Variants in TLK2 observed in about 807,000 individuals in gnomAD.
TLK2 encodes serine/threonine-protein kinase tousled-like 2.
In TLK2, 6 loss-of-function variants were observed where a neutral mutation model predicts 117.3. The observed-to-expected ratio is 0.05, with a 90% CI of 0.03 to 0.10. TLK2 has a LOEUF of 0.10. Ranked by LOEUF, TLK2 falls within the 10% of genes least tolerant of loss-of-function variation. TLK2 has a pLI of 1.00. For missense variants in TLK2, 299 were observed against 901.2 expected (o/e 0.33, Z 8.56); for synonymous variants, 257 against 316.7 (o/e 0.81, Z 2.00).
chr17:62,548,628 A>G (rs1207095558), intron 7 of TLK2, among the ~76,000 whole-genome samples: 1 of 151,980 alleles, frequency 6.6e-6, no homozygotes, highest in Non-Finnish European at 1.5e-5. Context: ...ACTTTCTAAC[A>G]CCCTCAGTTT....
chr17:62,475,971 CTTTT>C (rs894171628), upstream of TLK2, among the ~76,000 whole-genome samples: 2 of 148,640 alleles, frequency 1.3e-5, no homozygotes, highest in African/African-American at 5.0e-5. Context: ...TAAATAATTA[CTTTT>C]ATTTTATTAT....
At chr17:62,471,888 CTT>C (rs869092720) in intron 1 of TLK2, among the ~76,000 whole-genome samples, 71 of 37,758 alleles carry the variant, frequency 1.9e-3, no homozygotes, top group African/African-American at 7.1e-3. Flanking sequence ...GTAGTATAGT[CTT>C]TTTTTTTTTT....
chr17:62,478,014 C>T (rs113301871), upstream of TLK2: 50,140 of 152,080 alleles, frequency 0.33, 8,503 homozygotes, highest in Admixed American at 0.4. Context: ...GGCAGCATCC[C>T]CGCGGGGGCG....
At chr17:62,530,732 C>G (rs2076687477) in intron 6 of TLK2, among the ~76,000 whole-genome samples, 1 of 152,184 alleles carries the variant, frequency 6.6e-6, no homozygotes, top group Non-Finnish European at 1.5e-5. Context: ...ACACCTTCCA[C>G]CTGGGGTTGC....
chr17:62,592,957 A>G (rs1226797565), intron 16 of TLK2, among the ~76,000 whole-genome samples: 1 of 152,166 alleles, frequency 6.6e-6, no homozygotes, highest in Non-Finnish European at 1.5e-5. Context: ...TTGCACTCCT[A>G]TGAGAATCTG....
intron 2 of TLK2, among the ~76,000 whole-genome samples, chr17:62,509,053 G>T (rs2074945322): frequency 6.6e-6 from 1 of 152,128 alleles, no homozygotes; most frequent in Admixed American, 6.6e-5. Flanking sequence ...TCCTCTCTAG[G>T]TGTTGGTGAT....
rs2083937767 is a variant in TLK2 at position 62,613,637 on chromosome 17, C to T, written c.*1072C>T. 1 of 152,166 alleles carries T rather than the reference C, an allele frequency of 6.6e-6. No homozygotes were observed. Among genetic ancestry groups the T allele is most frequent in the East Asian group, 1.9e-4 (1 of 5,192 alleles). The allele number at this position is 152,166 out of a possible 1,614,324, so 9.4% of individuals were successfully genotyped here. On this transcript the variant is annotated 3_prime_UTR_variant, in exon 22 of 22. Transcript: ENST00000346027. ...CTAAATGGTGTACATTTCTTGTTAA[C>T]CACGTTATTAAAACTTGATCAGCAC...
intron 6 of TLK2, among the ~76,000 whole-genome samples, chr17:62,527,200 G>A (rs193211374): frequency 6.6e-6 from 1 of 152,170 alleles, no homozygotes; most frequent in African/African-American, 2.4e-5. Flanking sequence ...TTAGCTAAGC[G>A]GTCTCCCTTA....
At chr17:62,502,441 T>TAGATTA (rs2074282701) in intron 2 of TLK2, among the ~76,000 whole-genome samples, 1 of 152,214 alleles carries the variant, frequency 6.6e-6, no homozygotes, top group Non-Finnish European at 1.5e-5. Context: ...AACATCATAC[T>TAGATTA]TATGGTAAAA....
chr17:62,610,148 G>C (rs908725100), intron 21 of TLK2, among the ~76,000 whole-genome samples: 16 of 152,204 alleles, frequency 1.1e-4, no homozygotes, highest in Admixed American at 7.9e-4. Context: ...AAATTTTCAT[G>C]TTTATTCAAT....
Position 62,606,116 on chromosome 17 carries a change from CT to C in TLK2, c.1860-8del. 8.1e-7 allele frequency: 1 copy of C among 1,238,358 alleles called. No individual in the cohort carries two copies. The highest frequency in any genetic ancestry group is 1.1e-6 in the Non-Finnish European group (1 of 899,220). The allele number at this position is 1,238,358 out of a possible 1,614,324, so 76.7% of individuals were successfully genotyped here. A position where few individuals can be genotyped will look rare whatever the true frequency, so the allele number is the denominator to read the frequency against. On this transcript the variant is annotated splice_polypyrimidine_tract_variant and intron_variant, in intron 19 of 21. Coordinates refer to ENST00000346027, the MANE Select transcript of TLK2 (RefSeq NM_006852.6). ...ATCATTATTCTAATAATTTATATTT[CT>C]TTTTTGTCCCAGGTATTTACCACCA...
At position 62,599,606 on chromosome 17, in the gene TLK2, C is replaced by T. The variant is rs111786370; in HGVS notation, c.1551-1045C>T. Among the ~76,000 whole-genome samples, 531 of 152,280 alleles carry T rather than the reference C, an allele frequency of 3.5e-3. 2 individuals carry two copies. The highest frequency in any genetic ancestry group is 0.012 in the African/African-American group (498 of 41,564). ...ACCCTGGGTTCTGGTTTCACCATCT[C>T]CTCCCTTCTGGCCTGCTTGCCTGAG... On this transcript the variant is annotated intron_variant, in intron 17 of 21. Coordinates refer to ENST00000346027, the MANE Select transcript of TLK2 (RefSeq NM_006852.6).
intron 2 of TLK2, among the ~76,000 whole-genome samples, chr17:62,484,073 C>T (rs563400689): frequency 2.0e-5 from 3 of 152,168 alleles, no homozygotes; most frequent in East Asian, 1.9e-4. Context: ...GTGCCTGCCT[C>T]GGCCTCCCAA....
intron 2 of TLK2, among the ~76,000 whole-genome samples, chr17:62,481,930 T>G (rs1243907539): frequency 6.6e-6 from 1 of 152,158 alleles, no homozygotes; most frequent in Non-Finnish European, 1.5e-5. Flanking sequence ...GCTTGAGATG[T>G]GTGAACGTAT....
rs778940700 is a variant in TLK2 at position 62,602,196 on chromosome 17, C to G, written c.1859+16C>G. 1.2e-6 allele frequency: 2 copies of G among 1,611,282 alleles called. No homozygotes were observed. The highest frequency in any genetic ancestry group is 1.7e-6 in the Non-Finnish European group (2 of 1,178,788). On this transcript the variant is annotated intron_variant, in intron 19 of 21. Coordinates refer to ENST00000346027, the MANE Select transcript of TLK2 (RefSeq NM_006852.6). ...GTACTTATTGGTAGGTATCCAGGAG[C>G]TCTGCCAGGTTGGCTATAGAGATGT...
chr17:62,552,412 G>A lies in TLK2; in HGVS notation c.627+15G>A, dbSNP rs770451777. 5.0e-6 allele frequency: 8 copies of A among 1,613,908 alleles called. No individual in the cohort carries two copies. Among genetic ancestry groups the A allele is most frequent in the Admixed American group, 1.7e-5 (1 of 59,986 alleles). On this transcript the variant is annotated intron_variant, in intron 8 of 21. Transcript: ENST00000346027. Reference sequence around the variant, plus strand: ...GACAGACCCAGGTAGGTTGGTGATCGATAATCAATTGAGGGGCATACCTGC... The same window carrying A: ...GACAGACCCAGGTAGGTTGGTGATCAATAATCAATTGAGGGGCATACCTGC...
chr17:62,481,414 T>C (rs1266463969), intron 2 of TLK2, among the ~76,000 whole-genome samples: 1 of 152,198 alleles, frequency 6.6e-6, no homozygotes, highest in Non-Finnish European at 1.5e-5. Context: ...GGAATATATG[T>C]TTCTTCTTCC....
chr17:62,591,607 GA>G (rs1349591610), intron 16 of TLK2, among the ~76,000 whole-genome samples: 1 of 152,144 alleles, frequency 6.6e-6, no homozygotes, highest in Non-Finnish European at 1.5e-5. Context: ...TAAAGATGAT[GA>G]AATGAAGCGT....
At chr17:62,572,551 T>C (rs1054687033) in intron 11 of TLK2, among the ~76,000 whole-genome samples, 1 of 152,252 alleles carries the variant, frequency 6.6e-6, no homozygotes, top group African/African-American at 2.4e-5. Flanking sequence ...AAAATATGTT[T>C]TATACTAATT....
Sources: allele counts gnomAD v4.1 joint callset (sites outside exome capture counted in the v4.1 genomes callset), GRCh38; gene constraint gnomAD v4.1.1; transcripts MANE v1.5; gene names NCBI Gene and HGNC (gene_info 2026-07-23, HGNC 2026-07-21).